Variants in SBF2 observed in about 807,000 individuals in gnomAD.
The protein encoded by SBF2 is myotubularin-related protein 13.
In SBF2, 112 loss-of-function variants were observed where a neutral mutation model predicts 225.2. The observed-to-expected ratio is 0.50, with a 90% CI of 0.43 to 0.58. SBF2 has a LOEUF of 0.58. Ranked by LOEUF, SBF2 falls within the 20% of genes least tolerant of loss-of-function variation. The pLI is 0.00. For synonymous variants in SBF2, 763 were observed against 773.3 expected, an observed-to-expected ratio of 0.99 and a Z score of 0.22; for missense variants, 1,996 against 2,206.2, an observed-to-expected ratio of 0.90 and a Z score of 1.91.
At chr11:10,087,461 G>GC (rs1316940940) in intron 2 of SBF2, among the ~76,000 whole-genome samples, 1 of 152,124 alleles carries the variant, frequency 6.6e-6, no homozygotes, top group Non-Finnish European at 1.5e-5. Flanking sequence ...TCTCAGAAAG[G>GC]CTGCATTAAG....
rs184408535 is a variant in SBF2 at position 10,102,489 on chromosome 11, T to C, written c.142-59508A>G. On this transcript the variant is annotated intron_variant, in intron 2 of 39. Transcript: ENST00000256190. ...AGGAAAAAGTAGAATATGGTTTTGC[T>C]GGGAGATCAAAAGAAGGCATGGGGA... is the stretch of plus-strand genomic sequence containing the variant. Among the ~76,000 whole-genome samples, 11 of 152,340 alleles carry C rather than the reference T, an allele frequency of 7.2e-5. No homozygotes were observed. The East Asian group carries it at 1.9e-3, about 27-fold the overall frequency.
At chr11:10,121,070 T>TTTTG (rs960501838) in intron 2 of SBF2, among the ~76,000 whole-genome samples, 10 of 152,180 alleles carry the variant, frequency 6.6e-5, no homozygotes, top group Non-Finnish European at 1.2e-4. Flanking sequence ...CCCGCCTGTT[T>TTTTG]TTTGTTTGTT....
At chr11:9,883,070 G>C (rs1228868304) in intron 17 of SBF2, among the ~76,000 whole-genome samples, 1 of 152,002 alleles carries the variant, frequency 6.6e-6, no homozygotes, top group Non-Finnish European at 1.5e-5. Context: ...GGAAGCGGAG[G>C]TTGCAGTGAG....
chr11:9,836,186 A>AT (rs1274414602), intron 26 of SBF2, among the ~76,000 whole-genome samples: 1 of 152,120 alleles, frequency 6.6e-6, no homozygotes, highest in Admixed American at 6.5e-5. Context: ...ATCTTTCCCT[A>AT]TACCTCAAGG....
Position 10,077,427 on chromosome 11 carries a change from A to G in SBF2, c.142-34446T>C, listed in dbSNP as rs148804824. Among the ~76,000 whole-genome samples the G allele has an allele frequency of 4.9e-3, 752 of 152,348 alleles. 2 individuals are homozygous for G. Among genetic ancestry groups the G allele is most frequent in the Non-Finnish European group, 8.7e-3 (590 of 68,036 alleles). On this transcript the variant is annotated intron_variant, in intron 2 of 39. Coordinates refer to ENST00000256190, the MANE Select transcript of SBF2 (RefSeq NM_030962.4). ...ATACTACAAGGCTACAGTAACCAAAATAATATGGTACTGGTACCAAACCAC... is the reference window on the plus strand; with the variant it reads ...ATACTACAAGGCTACAGTAACCAAAGTAATATGGTACTGGTACCAAACCAC...
chr11:10,161,184 C>CAAAAAA (rs56779207), intron 2 of SBF2, among the ~76,000 whole-genome samples: 2 of 75,346 alleles, frequency 2.7e-5, no homozygotes, highest in Non-Finnish European at 5.0e-5. Flanking sequence ...GACTCTGTCT[C>CAAAAAA]AAAAAAAAAA....
chr11:10,232,116 G>C (rs1215784551), intron 1 of SBF2, among the ~76,000 whole-genome samples: 1 of 152,240 alleles, frequency 6.6e-6, no homozygotes, highest in Non-Finnish European at 1.5e-5. Flanking sequence ...CCAGGTGCGG[G>C]ATATAATCTC....
intron 1 of SBF2, among the ~76,000 whole-genome samples, chr11:10,231,392 T>C (rs11042682): frequency 0.4 from 60,089 of 152,048 alleles, 12,936 homozygotes; most frequent in Non-Finnish European, 0.48. Flanking sequence ...CTCTGATTTT[T>C]AGAGTCTCTG....
At chr11:10,095,104 G>C (rs11042622) in intron 2 of SBF2, among the ~76,000 whole-genome samples, 69,005 of 149,854 alleles carry the variant, frequency 0.46, 16,183 homozygotes, top group Admixed American at 0.56. Context: ...TTTTTTTTTT[G>C]TACAGACAAG....
chr11:9,920,578 T>C (rs1279956279), intron 16 of SBF2, among the ~76,000 whole-genome samples: 1 of 152,196 alleles, frequency 6.6e-6, no homozygotes, highest in African/African-American at 2.4e-5. Flanking sequence ...GCTTATTGAG[T>C]TATAAAGTAT....
At chr11:9,900,157 T>C (rs571599960) in intron 16 of SBF2, among the ~76,000 whole-genome samples, 2 of 152,168 alleles carry the variant, frequency 1.3e-5, no homozygotes, top group South Asian at 2.1e-4. Flanking sequence ...AAAGCAGTTG[T>C]AGAATATATT....
intron 2 of SBF2, among the ~76,000 whole-genome samples, chr11:10,125,190 G>T (rs1207100047): frequency 6.6e-6 from 1 of 150,720 alleles, no homozygotes; most frequent in African/African-American, 2.4e-5. Context: ...AATATGTAAT[G>T]AATTATATTG....
intron 16 of SBF2, among the ~76,000 whole-genome samples, chr11:9,934,794 CG>C (rs1864763266): frequency 6.6e-6 from 1 of 152,050 alleles, no homozygotes; most frequent in Admixed American, 6.6e-5. Context: ...AAGGTATTGA[CG>C]GAACGTACCT....
At chr11:10,112,717 G>T (rs958547198) in intron 2 of SBF2, among the ~76,000 whole-genome samples, 16 of 152,108 alleles carry the variant, frequency 1.1e-4, no homozygotes, top group African/African-American at 3.9e-4. Flanking sequence ...TAAGAGCAGG[G>T]AAAGCAAAAT....
intron 16 of SBF2, among the ~76,000 whole-genome samples, chr11:9,929,848 T>C (rs947851029): frequency 2.0e-5 from 3 of 152,224 alleles, no homozygotes; most frequent in Admixed American, 6.5e-5. Context: ...CAGACATTTA[T>C]GCTACAGGAA....
intron 1 of SBF2, among the ~76,000 whole-genome samples, chr11:10,227,189 T>C (rs1255090682): frequency 3.3e-5 from 5 of 152,304 alleles, no homozygotes; most frequent in Admixed American, 6.5e-5. Flanking sequence ...TCTTGTAAAT[T>C]TGTTTGAGTT....
intron 2 of SBF2, among the ~76,000 whole-genome samples, chr11:10,166,358 A>G (rs1484893302): frequency 6.6e-6 from 1 of 152,168 alleles, no homozygotes; most frequent in Non-Finnish European, 1.5e-5. Context: ...TATTATAGAA[A>G]GGACTACTAG....
rs1854252199 is a variant in SBF2, at chr11:9,812,613, C to T, written c.4074G>A (p.Arg1358=). ...TAGGGATGGTGCTTGGGATACAAGC[C>T]CTCATCAGCTTCTTAAAACTGGCTT... ...QVKASFKKLM[R]ACIPSTIPTD... Residue 1358 remains arginine (R), a synonymous_variant, in exon 30 of 40, where the codon AGG becomes AGA. Coordinates refer to ENST00000256190, the MANE Select transcript of SBF2 (RefSeq NM_030962.4). 1.9e-6 allele frequency: 3 copies of T among 1,613,960 alleles called. No homozygotes were observed. In the African/African-American group the frequency reaches 4.0e-5, roughly 22 times the overall value.
chr11:9,818,081 G>GA (rs1302716891), intron 28 of SBF2, among the ~76,000 whole-genome samples: 2 of 152,136 alleles, frequency 1.3e-5, no homozygotes, highest in African/African-American at 4.8e-5. Flanking sequence ...GAGTAGCTGG[G>GA]ATTACAGGCA....
Sources: gnomAD v4.1 joint callset for allele counts (sites outside exome capture counted in the v4.1 genomes callset) on GRCh38, gnomAD v4.1.1 for gene constraint, MANE v1.5 for transcripts, NCBI Gene and HGNC (gene_info 2026-07-23, HGNC 2026-07-21) for gene names.